Variants in ANKFN1 observed in about 807,000 individuals in gnomAD.
ANKFN1 encodes the protein ankyrin repeat and fibronectin type-III domain-containing protein 1.
A neutral mutation model predicts 108.7 loss-of-function variants in ANKFN1; 74 were observed. The ratio of observed to expected loss-of-function variants is 0.68; its 90% confidence interval spans 0.56 to 0.83. The LOEUF (loss-of-function observed/expected upper bound fraction) is 0.83. Among genes scored for constraint, ANKFN1 ranks in the 40% least tolerant of loss-of-function variants. The pLI, the probability that ANKFN1 is intolerant of heterozygous loss-of-function variation, is 0.00. For synonymous variants in ANKFN1, 547 were observed against 516.2 expected (o/e 1.06, Z -0.81); for missense variants, 1,505 against 1,382.3 (o/e 1.09, Z -1.41).
At chr17:56,331,378 C>T (rs1296991295) in intron 4 of ANKFN1, among the ~76,000 whole-genome samples, 5 of 152,162 alleles carry the variant, frequency 3.3e-5, no homozygotes, top group African/African-American at 1.2e-4. Context: ...GTTAGAACTC[C>T]TATTTTGAAT....
At chr17:56,307,918 G>A (rs1429100752) in intron 3 of ANKFN1, among the ~76,000 whole-genome samples, 6 of 152,180 alleles carry the variant, frequency 3.9e-5, no homozygotes, top group Non-Finnish European at 5.9e-5. Flanking sequence ...ATGAGTTCAT[G>A]TCCTTTATAG....
rs146688561 is a variant in ANKFN1, at chr17:56,200,697, T to G, written c.-70-11901T>G. Reference sequence around the variant, plus strand: ...CAATCTGCTTTGACATATGTACATGTTACTGTAGTATAATAATCAGGTACA... The same window carrying G: ...CAATCTGCTTTGACATATGTACATGGTACTGTAGTATAATAATCAGGTACA... On this transcript the variant is annotated intron_variant, in intron 1 of 20. Coordinates refer to ENST00000682825, the MANE Select transcript of ANKFN1 (RefSeq NM_001370326.1). 1.7e-3 allele frequency among the ~76,000 whole-genome samples: 262 copies of G among 152,308 alleles called. 3 individuals carry two copies. Among genetic ancestry groups the G allele is most frequent in the African/African-American group, 6.1e-3 (252 of 41,560 alleles).
At chr17:56,350,571 G>A (rs1000565219) in intron 4 of ANKFN1, among the ~76,000 whole-genome samples, 195 bp from the exon 5 acceptor site, 1 of 152,098 alleles carries the variant, frequency 6.6e-6, no homozygotes, top group Admixed American at 6.6e-5. Context: ...GTGGCCATGA[G>A]TAAGCTGCTT....
chr17:56,397,769 G>A (rs1272419712), intron 8 of ANKFN1, among the ~76,000 whole-genome samples: 2 of 152,210 alleles, frequency 1.3e-5, no homozygotes, highest in Non-Finnish European at 2.9e-5. Context: ...GTAGAGGAAA[G>A]AGACCTAGCC....
At chr17:56,454,093 CCTCTAT>C (rs2049594732) in intron 11 of ANKFN1, among the ~76,000 whole-genome samples, 2 of 152,102 alleles carry the variant, frequency 1.3e-5, no homozygotes, top group South Asian at 4.1e-4. Flanking sequence ...CTTTTCCTCT[CCTCTAT>C]CTTACTAGAA....
chr17:56,093,654 T>A (rs1283630150), intron 4 of ANKFN1, among the ~76,000 whole-genome samples: 1 of 151,460 alleles, frequency 6.6e-6, no homozygotes, highest in East Asian at 1.9e-4. Flanking sequence ...ATCCCCCTTC[T>A]ACAACTTCCC....
At chr17:56,351,635 T>C (rs950174685) in intron 5 of ANKFN1, among the ~76,000 whole-genome samples, 1 of 152,158 alleles carries the variant, frequency 6.6e-6, no homozygotes, top group African/African-American at 2.4e-5. Flanking sequence ...TAACTAAAAA[T>C]GTCTCAGTCC....
At chr17:56,364,115 A>G (rs1487723225) in intron 6 of ANKFN1, among the ~76,000 whole-genome samples, 1 of 152,204 alleles carries the variant, frequency 6.6e-6, no homozygotes, top group Non-Finnish European at 1.5e-5. Context: ...TATATATTTG[A>G]GGTGATGAAT....
intron 4 of ANKFN1, among the ~76,000 whole-genome samples, chr17:56,146,309 A>T (rs753350805): frequency 7.2e-5 from 11 of 152,180 alleles, no homozygotes; most frequent in South Asian, 4.2e-4. Context: ...CTGTTAGTGG[A>T]TCTACCATTC....
At chr17:56,257,626 A>G (rs1351412263) in intron 3 of ANKFN1, among the ~76,000 whole-genome samples, 1 of 152,152 alleles carries the variant, frequency 6.6e-6, no homozygotes, top group Non-Finnish European at 1.5e-5. Context: ...CTACGGGGAA[A>G]TGAGGACACG....
At chr17:56,275,040 G>GCCT (rs2043889128) in intron 3 of ANKFN1, among the ~76,000 whole-genome samples, 1 of 152,168 alleles carries the variant, frequency 6.6e-6, no homozygotes, top group African/African-American at 2.4e-5. Context: ...GGCCATGCTT[G>GCCT]CCTCCTCGTT....
intron 1 of ANKFN1, among the ~76,000 whole-genome samples, chr17:56,191,708 C>T (rs372607613): frequency 6.2e-5 from 9 of 144,616 alleles, no homozygotes; most frequent in African/African-American, 1.3e-4. Context: ...TTGCTCTTCT[C>T]GAGGAGCATC....
chr17:56,349,659 T>C (rs527842454), intron 4 of ANKFN1, among the ~76,000 whole-genome samples: 45 of 152,276 alleles, frequency 3.0e-4, no homozygotes, highest in Non-Finnish European at 6.5e-4. Context: ...ACTAGGCTCC[T>C]AAATATTTAA....
At chr17:56,143,913 G>A (rs983536012) in intron 4 of ANKFN1, among the ~76,000 whole-genome samples, 3 of 152,092 alleles carry the variant, frequency 2.0e-5, no homozygotes, top group African/African-American at 4.8e-5. Flanking sequence ...CCTTGCTGAC[G>A]CCTGGATTTC....
intron 4 of ANKFN1, among the ~76,000 whole-genome samples, chr17:56,144,531 G>A (rs913498821): frequency 6.6e-5 from 10 of 152,200 alleles, no homozygotes; most frequent in African/African-American, 1.7e-4. Flanking sequence ...GCATGCCCTC[G>A]CGGGAGTCCC....
rs1456749846 is a variant in ANKFN1 at position 56,466,625 on chromosome 17, A to T, written c.1773+54A>T. 9.6e-6 allele frequency: 14 copies of T among 1,461,946 alleles called. No individual in the cohort carries two copies. In the South Asian group the frequency reaches 1.4e-4, roughly 14 times the overall value. 90.6% of individuals were successfully genotyped at this position (1,461,946 alleles called of 1,614,324 possible). On this transcript the variant is annotated intron_variant, in intron 15 of 20. Transcript: ENST00000682825. ...TATACTTAAGGTTCCAAACCCAATT[A>T]TTGAAGGTCTAGTGAAATATTGCAA...
chr17:56,427,043 C>T (rs2048591366), intron 8 of ANKFN1, among the ~76,000 whole-genome samples: 1 of 152,222 alleles, frequency 6.6e-6, no homozygotes, highest in Non-Finnish European at 1.5e-5. Context: ...CAAAATAGCA[C>T]ATTCTTTTTA....
At chr17:56,069,519 T>A (rs551170487) in intron 4 of ANKFN1, among the ~76,000 whole-genome samples, 2 of 152,312 alleles carry the variant, frequency 1.3e-5, no homozygotes, top group Admixed American at 1.3e-4. Flanking sequence ...TGAAGTATGT[T>A]GGTGCATCTT....
At chr17:56,218,183 TTCTC>T (rs72257132) in intron 2 of ANKFN1, among the ~76,000 whole-genome samples, 2,516 of 145,796 alleles carry the variant, frequency 0.017, 88 homozygotes, top group African/African-American at 0.06. Flanking sequence ...CCTTAGCCCC[TTCTC>T]TCTCTCTCTC....
Sources: allele counts gnomAD v4.1 joint callset (sites outside exome capture counted in the v4.1 genomes callset), GRCh38; gene constraint gnomAD v4.1.1; transcripts MANE v1.5; gene names NCBI Gene and HGNC (gene_info 2026-07-23, HGNC 2026-07-21).